The following LGI1 variants were observed in gnomAD, a reference collection of about 807,000 sequenced individuals.
The protein encoded by LGI1 is leucine-rich glioma-inactivated protein 1.
In LGI1, 11 loss-of-function variants were observed where a neutral mutation model predicts 57.7. The observed-to-expected ratio is 0.19, with a 90% CI of 0.12 to 0.32. The LOEUF (loss-of-function observed/expected upper bound fraction) is 0.32. LGI1 is among the 10% of genes least tolerant of loss of function. LGI1 has a pLI of 1.00. For synonymous variants in LGI1, 222 were observed against 241.9 expected, an observed-to-expected ratio of 0.92 and a Z score of 0.76; for missense variants, 422 against 661.9, an observed-to-expected ratio of 0.64 and a Z score of 3.98.
chr10:93,767,368 A>G (rs1464514492), intron 2 of LGI1: 1 of 152,224 alleles, frequency 6.6e-6, no homozygotes, highest in African/African-American at 2.4e-5. Context: ...TCTGTGCTCA[A>G]ATAAATTTGG....
At chr10:93,792,091 T>G (rs2059941819) in intron 5 of LGI1, 1 of 152,420 alleles carries the variant, frequency 6.6e-6, no homozygotes, top group Non-Finnish European at 1.5e-5. Flanking sequence ...ACAGTTAAAT[T>G]TAAATTTAAA....
At chr10:93,783,039 T>G (rs948181861) in intron 4 of LGI1, 5 of 152,266 alleles carry the variant, frequency 3.3e-5, no homozygotes, top group African/African-American at 4.8e-5. Flanking sequence ...TCAGCCAGTT[T>G]CAAGGTAACT....
chr10:93,766,885 G>A (rs1045409379), intron 2 of LGI1: 7 of 152,104 alleles, frequency 4.6e-5, no homozygotes, highest in Non-Finnish European at 8.8e-5. Context: ...CAAATGAAGC[G>A]CTGAGTCCTA....
At chr10:93,792,698 G>C in intron 5 of LGI1, 45 bp from the exon 6 acceptor site, 1 of 1,593,172 alleles carries the variant, frequency 6.3e-7, no homozygotes, top group South Asian at 1.1e-5. Flanking sequence ...TTCCTGCGTG[G>C]GTAGGGCCCT....
intron 2 of LGI1, chr10:93,770,660 A>C (rs2059726791): frequency 6.6e-6 from 1 of 152,200 alleles, no homozygotes; most frequent in African/African-American, 2.4e-5. Context: ...TTGGTGTGAA[A>C]GTGTCACTTA....
chr10:93,772,248 A>T (rs532700687), intron 2 of LGI1, among the ~76,000 whole-genome samples: 4 of 152,154 alleles, frequency 2.6e-5, no homozygotes, highest in Non-Finnish European at 5.9e-5. Context: ...GTTGGTGAGG[A>T]TATGGTCAGA....
At chr10:93,788,513 T>A (rs2059908698) in intron 4 of LGI1, 1 of 152,162 alleles carries the variant, frequency 6.6e-6, no homozygotes, top group African/African-American at 2.4e-5. Flanking sequence ...ACAACTGAAT[T>A]TCCAAGAAGA....
intron 4 of LGI1, among the ~76,000 whole-genome samples, chr10:93,780,849 C>T (rs780791322): frequency 1.3e-5 from 2 of 152,070 alleles, no homozygotes; most frequent in Admixed American, 6.5e-5. Flanking sequence ...AAACAGGAAA[C>T]CTACCCTCAT....
In LGI1 at chr10:93,792,654, A is replaced by G. The variant is rs142909330; in HGVS notation, c.504-89A>G. 1.5e-4 allele frequency: 199 copies of G among 1,361,820 alleles called. No homozygotes were observed. The African/African-American group carries it at 2.5e-3, about 17-fold the overall frequency. 84.4% of individuals were successfully genotyped at this position (1,361,820 alleles called of 1,614,324 possible). On this transcript the variant is annotated intron_variant, in intron 5 of 7. Coordinates refer to ENST00000371418, the MANE Select transcript of LGI1 (RefSeq NM_005097.4). The stretch of plus-strand genomic sequence containing the variant: ...GCAGGATGCAACGCCGGGTAAGGTC[A>G]TTCTGCACATGTTAATTGTTGATGT...
intron 7 of LGI1, among the ~76,000 whole-genome samples, chr10:93,794,366 T>C (rs1002295850): frequency 2.8e-5 from 4 of 144,008 alleles, no homozygotes; most frequent in African/African-American, 1.0e-4. Flanking sequence ...ATCTCTCTTT[T>C]TTTTTTTTTT....
intron 6 of LGI1, 53 bp from the exon 7 acceptor site, chr10:93,793,133 G>A: frequency 6.9e-7 from 1 of 1,449,416 alleles, no homozygotes; most frequent in Non-Finnish European, 9.5e-7. Context: ...TTAAGATCTA[G>A]CCAAGGAAAG....
At chr10:93,771,349 A>G (rs2059736606) in intron 2 of LGI1, 1 of 152,368 alleles carries the variant, frequency 6.6e-6, no homozygotes, top group South Asian at 2.1e-4. Context: ...AAGGATATTT[A>G]AAGAATGAAA....
chr10:93,760,246 G>C (rs2059608771), intron 2 of LGI1, among the ~76,000 whole-genome samples: 1 of 152,198 alleles, frequency 6.6e-6, no homozygotes, highest in Non-Finnish European at 1.5e-5. Flanking sequence ...TTATCTGTTT[G>C]ATTGATGGCT....
intron 2 of LGI1, among the ~76,000 whole-genome samples, chr10:93,761,446 G>C (rs1017656244): frequency 1.3e-5 from 2 of 152,194 alleles, no homozygotes; most frequent in African/African-American, 4.8e-5. Flanking sequence ...TTGTTGGGAA[G>C]GGTTAAAGCA....
chr10:93,786,862 G>C (rs2059896459), intron 4 of LGI1, among the ~76,000 whole-genome samples: 1 of 152,188 alleles, frequency 6.6e-6, no homozygotes, highest in Non-Finnish European at 1.5e-5. Context: ...CCAAAGTGCT[G>C]GGATTACGGG....
chr10:93,770,681 G>A (rs545192635), intron 2 of LGI1: 6 of 152,098 alleles, frequency 3.9e-5, no homozygotes, highest in East Asian at 3.9e-4. Context: ...GTCATGACCC[G>A]TCCCTACAGA....
intron 4 of LGI1, chr10:93,778,900 C>G (rs2059821038): frequency 6.6e-6 from 1 of 152,178 alleles, no homozygotes; most frequent in Non-Finnish European, 1.5e-5. Context: ...CACCAGGCCC[C>G]TTTCTCTCCT....
chr10:93,788,685 CA>C (rs2059910001), intron 4 of LGI1: 1 of 152,114 alleles, frequency 6.6e-6, no homozygotes, highest in Non-Finnish European at 1.5e-5. Flanking sequence ...CATTGAGAAC[CA>C]TTTTCCAAAC....
chr10:93,762,899 T>G (rs999789693), intron 2 of LGI1: 1 of 152,244 alleles, frequency 6.6e-6, no homozygotes, highest in Non-Finnish European at 1.5e-5. Context: ...GTGTATTTCA[T>G]CCTTTCAGTT....
Sources: allele counts gnomAD v4.1 joint callset (sites outside exome capture counted in the v4.1 genomes callset), GRCh38; gene constraint gnomAD v4.1.1; transcripts MANE v1.5; gene names NCBI Gene and HGNC (gene_info 2026-07-23, HGNC 2026-07-21).